Variants in SCML4 observed in about 807,000 individuals in gnomAD.
SCML4 encodes sex comb on midleg-like protein 4.
In SCML4, 34 loss-of-function variants were observed where a neutral mutation model predicts 41.1. The observed-to-expected ratio is 0.83, with a 90% confidence interval of 0.63 to 1.10. SCML4 has a LOEUF of 1.10. Ranked by LOEUF, SCML4 falls within the 50% of genes least tolerant of loss-of-function variation. SCML4 has a pLI of 0.00. For missense variants in SCML4, 522 were observed against 534.1 expected, an observed-to-expected ratio of 0.98 and a Z score of 0.22; for synonymous variants, 214 against 220.9, an observed-to-expected ratio of 0.97 and a Z score of 0.28.
intron 6 of SCML4, among the ~76,000 whole-genome samples, chr6:107,716,576 G>A (rs968783762): frequency 2.0e-5 from 3 of 152,136 alleles, no homozygotes; most frequent in African/African-American, 7.2e-5. Context: ...ATATGAATAA[G>A]AGGCTTCACA....
intron 1 of SCML4, among the ~76,000 whole-genome samples, chr6:107,807,804 T>C (rs1405911827): frequency 6.6e-6 from 1 of 152,222 alleles, no homozygotes; most frequent in Non-Finnish European, 1.5e-5. Flanking sequence ...TCCATTCCTG[T>C]TCTTGTACGG....
chr6:107,816,175 G>A (rs1378115406), intron 1 of SCML4, among the ~76,000 whole-genome samples: 1 of 152,210 alleles, frequency 6.6e-6, no homozygotes, highest in African/African-American at 2.4e-5. Flanking sequence ...TTGTATGTTG[G>A]CAGTAAAAGT....
At chr6:107,813,775 A>G (rs1323876361) in intron 1 of SCML4, among the ~76,000 whole-genome samples, 2 of 152,182 alleles carry the variant, frequency 1.3e-5, no homozygotes, top group African/African-American at 4.8e-5. Context: ...TGAGTCAGGA[A>G]TTCAGAGAGG....
chr6:107,711,233 T>A (rs1422536012), intron 6 of SCML4, among the ~76,000 whole-genome samples: 1 of 152,188 alleles, frequency 6.6e-6, no homozygotes, highest in Non-Finnish European at 1.5e-5. Context: ...CTGTACCAGG[T>A]GCTAGGTGAA....
At chr6:107,727,074 A>G (rs1427009339) in intron 5 of SCML4, among the ~76,000 whole-genome samples, 1 of 152,242 alleles carries the variant, frequency 6.6e-6, no homozygotes, top group Non-Finnish European at 1.5e-5. Context: ...ATTTGTCCAT[A>G]AAAAGGAATG....
At chr6:107,831,739 C>A in the SCML4 span, among the ~76,000 whole-genome samples, 1 of 152,056 alleles carries the variant, frequency 6.6e-6, no homozygotes, top group African/African-American at 2.4e-5. Flanking sequence ...GTCAAAGTGG[C>A]AAAACCCATC....
rs367761638 is a variant in SCML4 at position 107,809,847 on chromosome 6, C to CCT, written c.-60+14277_-60+14278dup. 3.5e-3 allele frequency among the ~76,000 whole-genome samples: 525 copies of CCT among 150,988 alleles called. 4 individuals carry two copies. The highest frequency in any genetic ancestry group is 0.015 in the East Asian group (77 of 5,140). On this transcript the variant is annotated intron_variant, in intron 1 of 7. Transcript: ENST00000369020. ...GCCTAACCCCTCACATAATTATGCA[C>CCT]CTCTCTCTCTCTCTCTACCGACATC... is the stretch of plus-strand genomic sequence containing the variant.
At chr6:107,803,215 T>G (rs1208934087) in intron 1 of SCML4, among the ~76,000 whole-genome samples, 4 of 131,218 alleles carry the variant, frequency 3.0e-5, no homozygotes, top group Non-Finnish European at 3.3e-5. Flanking sequence ...TCGTCTGAGA[T>G]GTGGGGAGCG....
intron 1 of SCML4, among the ~76,000 whole-genome samples, chr6:107,784,329 T>C (rs560788668): frequency 1.3e-5 from 2 of 152,144 alleles, no homozygotes; most frequent in Non-Finnish European, 2.9e-5. Context: ...GAAGATGCAA[T>C]GTTCTCTGCC....
chr6:107,824,432 C>T (rs1279827138), upstream of SCML4: 1 of 150,842 alleles, frequency 6.6e-6, no homozygotes, highest in African/African-American at 2.4e-5. Context: ...TTAAAGAACA[C>T]ACACATTTTA....
chr6:107,711,589 A>G (rs1562166666), intron 6 of SCML4, among the ~76,000 whole-genome samples: 1 of 152,200 alleles, frequency 6.6e-6, no homozygotes, highest in Non-Finnish European at 1.5e-5. Context: ...TATCCCATTG[A>G]GTGATGCATG....
intron 1 of SCML4, among the ~76,000 whole-genome samples, chr6:107,822,485 T>G (rs1360759524): frequency 1.4e-5 from 2 of 139,434 alleles, no homozygotes; most frequent in Non-Finnish European, 3.0e-5. Flanking sequence ...TACCGTTCAT[T>G]TACTCTTTTC....
Position 107,777,926 on chromosome 6 carries a change from T to C in SCML4, c.-59-5540A>G, listed in dbSNP as rs114050305. Reference sequence around the variant, plus strand: ...ACATAATTTAACACATCCAAATATATAAATCAGGCCGGGTACAGTGGCTCA... The same window carrying C: ...ACATAATTTAACACATCCAAATATACAAATCAGGCCGGGTACAGTGGCTCA... On this transcript the variant is annotated intron_variant, in intron 1 of 7. Coordinates refer to ENST00000369020, the MANE Select transcript of SCML4 (RefSeq NM_198081.5). 1.7e-3 allele frequency among the ~76,000 whole-genome samples: 257 copies of C among 151,816 alleles called. 1 individual carries two copies. The highest frequency in any genetic ancestry group is 6.1e-3 in the African/African-American group (251 of 41,360).
intron 1 of SCML4, among the ~76,000 whole-genome samples, chr6:107,781,525 C>T (rs189597570): frequency 2.9e-4 from 44 of 152,058 alleles, no homozygotes; most frequent in African/African-American, 1.1e-3. Flanking sequence ...TGTGTGCCTG[C>T]GCTCCCAGCT....
chr6:107,705,433 T>G (rs993351316), intron 7 of SCML4, 108 bp from the exon 8 acceptor site: 2 of 976,768 alleles, frequency 2.0e-6, no homozygotes, highest in Non-Finnish European at 3.0e-6. Context: ...GCATATGGAT[T>G]GATTTAGGCA....
intron 1 of SCML4, among the ~76,000 whole-genome samples, chr6:107,787,032 A>G (rs1781950509): frequency 6.6e-6 from 1 of 152,178 alleles, no homozygotes; most frequent in Non-Finnish European, 1.5e-5. Flanking sequence ...TCCACCCCAG[A>G]GCTCTCTGCA....
chr6:107,839,391 A>G, the SCML4 span, among the ~76,000 whole-genome samples: 2 of 141,596 alleles, frequency 1.4e-5, no homozygotes, highest in Middle Eastern at 3.4e-3. Context: ...GAAAGAAAGA[A>G]AGAAAGAAAG....
chr6:107,763,686 C>T (rs944978974), intron 2 of SCML4, among the ~76,000 whole-genome samples: 2 of 152,120 alleles, frequency 1.3e-5, no homozygotes, highest in South Asian at 2.1e-4. Flanking sequence ...TGCGCCTGGC[C>T]GGGATTAGTG....
At chr6:107,715,764 G>A (rs1213456020) in intron 6 of SCML4, among the ~76,000 whole-genome samples, 1 of 152,174 alleles carries the variant, frequency 6.6e-6, no homozygotes, top group Non-Finnish European at 1.5e-5. Flanking sequence ...AGGCTGAGGA[G>A]TTTGTCAAGT....
Sources: gnomAD v4.1 joint callset for allele counts (sites outside exome capture counted in the v4.1 genomes callset) on GRCh38, gnomAD v4.1.1 for gene constraint, MANE v1.5 for transcripts, NCBI Gene and HGNC (gene_info 2026-07-23, HGNC 2026-07-21) for gene names.